The following TRIM35 variants were observed in gnomAD, a reference collection of about 807,000 sequenced individuals.
TRIM35 encodes the protein tripartite motif containing 35.
Under a neutral mutation model 49.1 loss-of-function variants are expected in TRIM35, and 37 were observed. The ratio of observed to expected loss-of-function variants is 0.75; its 90% CI spans 0.58 to 0.99. TRIM35 has a LOEUF of 0.99. Among genes scored for constraint, TRIM35 ranks in the 50% least tolerant of loss-of-function variants. TRIM35 has a pLI of 0.00. For missense variants in TRIM35, 648 were observed against 702.7 expected (o/e 0.92, Z 0.88); for synonymous variants, 302 against 289.3 (o/e 1.04, Z -0.45).
rs1007658832 is a variant in TRIM35 at position 27,290,650 on chromosome 8, G to A, written c.763-472C>T. Among the ~76,000 whole-genome samples the A allele has an allele frequency of 8.9e-4, 136 of 152,170 alleles. 2 individuals are homozygous for A. Among genetic ancestry groups the A allele is most frequent in the African/African-American group, 2.8e-3 (118 of 41,434 alleles). ...TATTGTTTTATAATTTACCCAGTCT[G>A]TGATATTCTGTCATAGCAACAGAAA... On this transcript the variant is annotated intron_variant, in intron 3 of 5. Transcript: ENST00000305364.
At chr8:27,310,741 G>T in intron 1 of TRIM35, 60 bp downstream of exon 1, 1 of 1,514,002 alleles carries the variant, frequency 6.6e-7, no homozygotes, top group Non-Finnish European at 8.9e-7. Flanking sequence ...GAGCCGCAGA[G>T]CCAAGGGATT....
rs369635979 is a variant in TRIM35, at chr8:27,294,259, G to A, written c.583C>T (p.Arg195Cys). The A allele has an allele frequency of 1.5e-5, 25 of 1,613,988 alleles. 1 individual carries two copies. Among genetic ancestry groups the A allele is most frequent in the East Asian group, 2.2e-5 (1 of 44,888 alleles). ...TGCTCCTCCACTCTCAAGAACTCGC[G>A]AAGCTTATCAAACTCCTGCCGGATC... ...GRIRQEFDKL[R>C]EFLRVEEQAI... is the part of the protein sequence containing the mutation. Residue 195 changes from arginine to cysteine, a missense_variant, in exon 3 of 6, where the codon CGC (arginine) becomes TGC (cysteine). By Grantham distance (180) the Arg-to-Cys change is radical. Transcript: ENST00000305364.
In TRIM35 at chr8:27,286,856, G is replaced by C. The variant is rs185366880; in HGVS notation, c.*694C>G. ...CTATGGAAACCAACTAATCCGGAGC[G>C]ATGGCGCCAGCTGCCTCCTTCACAT... On this transcript the variant is annotated 3_prime_UTR_variant, in exon 6 of 6. Coordinates refer to ENST00000305364, the MANE Select transcript of TRIM35 (RefSeq NM_171982.5). 2 of 152,778 alleles carry C rather than the reference G, an allele frequency of 1.3e-5. No individual in the cohort carries two copies. Among genetic ancestry groups the C allele is most frequent in the East Asian group, 3.9e-4 (2 of 5,192 alleles). The allele number at this position is 152,778 out of a possible 1,614,324, so 9.5% of individuals were successfully genotyped here.
chr8:27,305,494 G>A (rs2130313336), intron 1 of TRIM35, among the ~76,000 whole-genome samples: 1 of 152,360 alleles, frequency 6.6e-6, no homozygotes, highest in East Asian at 1.9e-4. Flanking sequence ...GAGCTGGTAA[G>A]TCCTCACCTA....
intron 1 of TRIM35, among the ~76,000 whole-genome samples, chr8:27,301,223 T>C (rs940221366): frequency 6.6e-6 from 1 of 152,250 alleles, no homozygotes; most frequent in Admixed American, 6.5e-5. Flanking sequence ...TTCTATTTAA[T>C]TCAATTATTT....
At chr8:27,302,000 T>G (rs1159592349) in intron 1 of TRIM35, among the ~76,000 whole-genome samples, 1 of 152,210 alleles carries the variant, frequency 6.6e-6, no homozygotes, top group East Asian at 1.9e-4. Context: ...TTTTTGGTTC[T>G]CTCCATCTGT....
chr8:27,297,139 C>T (rs1802585835), intron 2 of TRIM35, among the ~76,000 whole-genome samples: 1 of 152,196 alleles, frequency 6.6e-6, no homozygotes. Flanking sequence ...GTTCCACCAG[C>T]TCTGTGGCTC....
chr8:27,289,548 C>T (rs1386399079), intron 4 of TRIM35, among the ~76,000 whole-genome samples: 1 of 152,222 alleles, frequency 6.6e-6, no homozygotes, highest in Non-Finnish European at 1.5e-5. Flanking sequence ...ACATGGCTGC[C>T]ATCCTTGCAG....
At chr8:27,304,996 T>C (rs1464150196) in intron 1 of TRIM35, 1 of 358,530 alleles carries the variant, frequency 2.8e-6, no homozygotes, top group African/African-American at 2.1e-5. Context: ...CCAGCACCTC[T>C]ACCTAGTAGC....
Position 27,287,564 on chromosome 8 carries a change from C to A in TRIM35, c.1468G>T (p.Glu490Ter), listed in dbSNP as rs771701408. The change falls in exon 6 of 6, where the codon GAA (glutamate) becomes TAA (stop). Residue 490 changes from glutamate (E) to a stop codon, truncating the protein, a stop_gained. Coordinates refer to ENST00000305364, the MANE Select transcript of TRIM35 (RefSeq NM_171982.5). LOFTEE classifies it high-confidence loss of function. The surrounding 1 kb of genome is among the most constrained non-coding windows in gnomAD (Gnocchi z 6.0). ...CCCGGGCCAGCTCAGCCATCCAGTT[C>A]TTCCTTGACACTGATGTGCAAGGGG... ...ICPLHISVKE[E>*]LDG is the part of the protein sequence containing the mutation. The A allele has an allele frequency of 1.3e-6, 2 of 1,586,488 alleles. No individual in the cohort carries two copies. The highest frequency in any genetic ancestry group is 3.5e-5 in the Admixed American group (2 of 56,952).
Position 27,285,666 on chromosome 8 carries a change from TAAAAAAAAA to T in TRIM35, c.*1875_*1883del, listed in dbSNP as rs34388696. On this transcript the variant is annotated 3_prime_UTR_variant, in exon 6 of 6. Coordinates refer to ENST00000305364, the MANE Select transcript of TRIM35 (RefSeq NM_171982.5). ...GCCTAGCCTGCTCAAGTTATCCTGT[TAAAAAAAAA>T]AAAAAAAAAAAAACTCTTCCCATAT... 6 of 102,738 alleles carry T rather than the reference TAAAAAAAAA, an allele frequency of 5.8e-5. No homozygotes were observed. Among genetic ancestry groups the T allele is most frequent in the Admixed American group, 2.0e-4 (2 of 9,918 alleles). The allele number at this position is 102,738 out of a possible 1,614,324, so 6.4% of individuals were successfully genotyped here.
At chr8:27,294,616 G>C (rs1485765742) in intron 2 of TRIM35, among the ~76,000 whole-genome samples, 1 of 152,110 alleles carries the variant, frequency 6.6e-6, no homozygotes, top group African/African-American at 2.4e-5. Context: ...TCCTTCTTTA[G>C]GTTGCACCAT....
chr8:27,306,781 G>A (rs923453294), intron 1 of TRIM35, among the ~76,000 whole-genome samples: 31 of 152,234 alleles, frequency 2.0e-4, no homozygotes, highest in African/African-American at 7.2e-4. Flanking sequence ...GAGCTCTTCA[G>A]AGAAATTTGG....
chr8:27,290,886 T>A (rs528911587), intron 3 of TRIM35, among the ~76,000 whole-genome samples: 1 of 152,202 alleles, frequency 6.6e-6, no homozygotes, highest in South Asian at 2.1e-4. Context: ...GTAATCAAGA[T>A]AGTATGGTAC....
intron 3 of TRIM35, among the ~76,000 whole-genome samples, chr8:27,291,627 A>T (rs954835620): frequency 6.6e-6 from 1 of 152,262 alleles, no homozygotes; most frequent in Non-Finnish European, 1.5e-5. Context: ...TATTCATAAT[A>T]GCCAAAATAG....
intron 1 of TRIM35, among the ~76,000 whole-genome samples, chr8:27,303,077 AT>A (rs1802711656): frequency 2.0e-5 from 3 of 152,330 alleles, no homozygotes; most frequent in South Asian, 2.1e-4. Context: ...TTTGCTAGAT[AT>A]ACTTAATCAA....
At chr8:27,303,689 A>C (rs1481192421) in intron 1 of TRIM35, among the ~76,000 whole-genome samples, 1 of 152,030 alleles carries the variant, frequency 6.6e-6, no homozygotes, top group African/African-American at 2.4e-5. Context: ...TTATTTATTT[A>C]TTTTATATTT....
chr8:27,308,940 T>G (rs1302860334), intron 1 of TRIM35, among the ~76,000 whole-genome samples: 1 of 152,228 alleles, frequency 6.6e-6, no homozygotes, highest in Non-Finnish European at 1.5e-5. Flanking sequence ...AAAGTCAGGC[T>G]TTCCCACTTC....
At chr8:27,296,404 C>A (rs1802567499) in intron 2 of TRIM35, among the ~76,000 whole-genome samples, 1 of 152,188 alleles carries the variant, frequency 6.6e-6, no homozygotes, top group Admixed American at 6.5e-5. Flanking sequence ...CTCCTGCCCA[C>A]TCACCGTGGG....
Sources: gnomAD v4.1 joint callset for allele counts (sites outside exome capture counted in the v4.1 genomes callset) on GRCh38, gnomAD v4.1.1 for gene constraint, Gnocchi (gnomAD v3.1) non-coding constraint, MANE v1.5 for transcripts, NCBI Gene and HGNC (gene_info 2026-07-23, HGNC 2026-07-21) for gene names.